Variants in RALGPS2 observed in about 807,000 individuals in gnomAD.
RALGPS2 encodes ras-specific guanine nucleotide-releasing factor RalGPS2.
A neutral mutation model predicts 86.8 loss-of-function variants in RALGPS2; 43 were observed. The ratio of observed to expected loss-of-function variants is 0.50; its 90% confidence interval spans 0.39 to 0.64. The LOEUF (loss-of-function observed/expected upper bound fraction) is 0.64, where lower values mean the gene tolerates loss of function less well. RALGPS2 is among the 30% of genes least tolerant of loss of function. The pLI is 0.00. For synonymous variants in RALGPS2, 243 were observed against 231.3 expected (o/e 1.05, Z -0.46); for missense variants, 536 against 694.6 (o/e 0.77, Z 2.57).
In RALGPS2 at chr1:178,801,937, T is replaced by G. The variant is rs1253673389; in HGVS notation, c.214-6108T>G. On this transcript the variant is annotated intron_variant, in intron 4 of 19. Transcript: ENST00000367635. The stretch of plus-strand genomic sequence containing the variant: ...ATAATTAGAAAACAAGAGAAAATGT[T>G]TTTGAACCTCATAAGATGGTAGTTT... Among the ~76,000 whole-genome samples, 6 of 152,134 alleles carry G rather than the reference T, an allele frequency of 3.9e-5. No individual in the cohort carries two copies. In the East Asian group the frequency reaches 9.6e-4, roughly 24 times the overall value.
At chr1:178,792,726 C>G (rs1424073548) in intron 4 of RALGPS2, among the ~76,000 whole-genome samples, 1 of 152,144 alleles carries the variant, frequency 6.6e-6, no homozygotes, top group Non-Finnish European at 1.5e-5. Flanking sequence ...GATAGTGATC[C>G]CTTTCACACA....
Position 178,880,858 on chromosome 1 carries a change from TA to T in RALGPS2, c.836+1870del, listed in dbSNP as rs560099195. On this transcript the variant is annotated intron_variant, in intron 10 of 19. Transcript: ENST00000367635. ...TTATTAAAGCTAGTTTTTACTTTGC[TA>T]AAAGGGTAGACTTAGCCAGTGAAGC... Among the ~76,000 whole-genome samples, 112 of 152,342 alleles carry T rather than the reference TA, an allele frequency of 7.4e-4. 1 individual carries two copies. Among genetic ancestry groups the T allele is most frequent in the African/African-American group, 2.5e-3 (103 of 41,578 alleles).
chr1:178,812,928 CTTTT>C (rs397844555), intron 6 of RALGPS2, among the ~76,000 whole-genome samples: 4 of 106,848 alleles, frequency 3.7e-5, no homozygotes, highest in Admixed American at 2.0e-4. Context: ...TAGGTAAATA[CTTTT>C]TTTTTTTTTT....
Position 178,895,691 on chromosome 1 carries a change from T to C in RALGPS2, c.1431+1667T>C, listed in dbSNP as rs965060921. ...GAGTTGTTTGATGATAAATTAAACA[T>C]GATGTATGAGAGAAAGAGTGAAAAC... On this transcript the variant is annotated intron_variant, in intron 16 of 19. Coordinates refer to ENST00000367635, the MANE Select transcript of RALGPS2 (RefSeq NM_152663.5). 2.6e-5 allele frequency among the ~76,000 whole-genome samples: 4 copies of C among 152,022 alleles called. No homozygotes were observed. The East Asian group carries it at 7.7e-4, about 29-fold the overall frequency.
intron 4 of RALGPS2, among the ~76,000 whole-genome samples, chr1:178,791,628 C>T (rs1397171510): frequency 6.6e-6 from 1 of 152,166 alleles, no homozygotes; most frequent in Non-Finnish European, 1.5e-5. Context: ...TAGACAGTTT[C>T]TGAGTTACGT....
intron 1 of RALGPS2, among the ~76,000 whole-genome samples, chr1:178,765,676 A>G (rs531667628): frequency 1.3e-5 from 2 of 152,298 alleles, no homozygotes; most frequent in South Asian, 2.1e-4. Context: ...TGAGAGCGCT[A>G]TGGGAGACAG....
chr1:178,730,912 G>A lies in RALGPS2; in HGVS notation c.-84+5493G>A, dbSNP rs1192280765. Among the ~76,000 whole-genome samples, 9 of 152,116 alleles carry A rather than the reference G, an allele frequency of 5.9e-5. No individual in the cohort carries two copies. In the South Asian group the frequency reaches 1.9e-3, roughly 32 times the overall value. On this transcript the variant is annotated intron_variant, in intron 1 of 19. Transcript: ENST00000367635. ...GACGGGGTTTCTCCATGTTGGTCAG[G>A]CTGGTCTCGACCCAACCTCAAGTGA...
At chr1:178,868,209 G>A (rs4652329) in intron 8 of RALGPS2, among the ~76,000 whole-genome samples, 70,795 of 151,622 alleles carry the variant, frequency 0.47, 17,932 homozygotes, top group African/African-American at 0.66. Flanking sequence ...CTTTTACTAT[G>A]TAGGAGTTAC....
intron 1 of RALGPS2, chr1:178,747,517 G>A (rs1651404776): frequency 6.2e-7 from 1 of 1,611,348 alleles, no homozygotes; most frequent in Non-Finnish European, 8.5e-7. Flanking sequence ...GGTTCAGCAT[G>A]ACAACTGCTT....
intron 8 of RALGPS2, among the ~76,000 whole-genome samples, chr1:178,834,802 C>T (rs1656189876): frequency 6.6e-6 from 1 of 152,150 alleles, no homozygotes; most frequent in African/African-American, 2.4e-5. Flanking sequence ...TTTTTTGAGA[C>T]AGCCTCGCTC....
rs181404754 is a variant in RALGPS2 at position 178,726,690 on chromosome 1, C to T, written c.-84+1271C>T. ...CAACACTTTAGTTGCTATAGAGAGC[C>T]TTTTCTTACCAGTGTTCATGAGTTG... is the stretch of plus-strand genomic sequence containing the variant. On this transcript the variant is annotated intron_variant, in intron 1 of 19. Coordinates refer to ENST00000367635, the MANE Select transcript of RALGPS2 (RefSeq NM_152663.5). Among the ~76,000 whole-genome samples, 13 of 152,204 alleles carry T rather than the reference C, an allele frequency of 8.5e-5. No individual in the cohort carries two copies. The East Asian group carries it at 2.3e-3, about 27-fold the overall frequency.
intron 4 of RALGPS2, among the ~76,000 whole-genome samples, chr1:178,798,801 ATAT>A (rs1420482762): frequency 1.3e-5 from 2 of 152,292 alleles, no homozygotes; most frequent in Non-Finnish European, 2.9e-5. Flanking sequence ...ATAGCCTCAA[ATAT>A]TATTCAAGAA....
intron 8 of RALGPS2, chr1:178,870,946 TA>T (rs1391870966): frequency 6.6e-6 from 1 of 152,202 alleles, no homozygotes; most frequent in African/African-American, 2.4e-5. Flanking sequence ...TATGTAATTT[TA>T]AGTAGTATAG....
chr1:178,784,398 A>T lies in RALGPS2; in HGVS notation c.58-20A>T. ...TGTGAGACAGTATGTAAAAGGCTGC[A>T]TTTTCTTTCACTTTAACAGAAAAGT... On this transcript the variant is annotated intron_variant, in intron 2 of 19. Transcript: ENST00000367635. 1 of 1,576,982 alleles carries T rather than the reference A, an allele frequency of 6.3e-7. No homozygotes were observed. The highest frequency in any genetic ancestry group is 8.7e-7 in the Non-Finnish European group (1 of 1,153,676).
At chr1:178,853,891 C>T (rs970877321) in intron 8 of RALGPS2, 6 of 837,998 alleles carry the variant, frequency 7.2e-6, no homozygotes, top group African/African-American at 1.8e-5. Flanking sequence ...TTTACAGTTA[C>T]CATTGTTTAT....
intron 1 of RALGPS2, among the ~76,000 whole-genome samples, chr1:178,766,584 CTGGCTTGTAGGTTTT>C (rs1171719444): frequency 1.3e-5 from 2 of 152,182 alleles, no homozygotes; most frequent in African/African-American, 2.4e-5. Context: ...ACAATCTCTT[CTGGCTTGTAGGTTTT>C]TGGCTCAAAG....
Position 178,864,739 on chromosome 1 carries a change from C to T in RALGPS2, c.608-12759C>T, listed in dbSNP as rs60003104. Among the ~76,000 whole-genome samples the T allele has an allele frequency of 3.3e-4, 50 of 152,070 alleles. 1 individual carries two copies. The East Asian group carries it at 9.5e-3, about 29-fold the overall frequency. ...TTGGATGGAAGACTGGTTTTTTTCA[C>T]AGAATACATTAAGTTTTTATAAACT... On this transcript the variant is annotated intron_variant, in intron 8 of 19. Coordinates refer to ENST00000367635, the MANE Select transcript of RALGPS2 (RefSeq NM_152663.5).
intron 4 of RALGPS2, among the ~76,000 whole-genome samples, chr1:178,793,622 G>C (rs570039011): frequency 6.6e-6 from 1 of 152,170 alleles, no homozygotes; most frequent in African/African-American, 2.4e-5. Context: ...CCCATTTCGA[G>C]AATATAAATT....
chr1:178,802,499 C>T lies in RALGPS2; in HGVS notation c.214-5546C>T, dbSNP rs185375332. Among the ~76,000 whole-genome samples, 783 of 152,006 alleles carry T rather than the reference C, an allele frequency of 5.2e-3. 4 individuals carry two copies. Among genetic ancestry groups the T allele is most frequent in the South Asian group, 0.012 (59 of 4,814 alleles). On this transcript the variant is annotated intron_variant, in intron 4 of 19. Transcript: ENST00000367635. ...ACACGATGAAAAATAACGTGAGAAC[C>T]GTGAGAAATCACATTTTACTGTGAT... is the stretch of plus-strand genomic sequence containing the variant.
Sources: gnomAD v4.1 joint callset for allele counts (sites outside exome capture counted in the v4.1 genomes callset) on GRCh38, gnomAD v4.1.1 for gene constraint, MANE v1.5 for transcripts, NCBI Gene and HGNC (gene_info 2026-07-23, HGNC 2026-07-21) for gene names.